Variants in ANO5 observed in about 807,000 individuals in gnomAD.
The protein encoded by ANO5 is anoctamin 5, also known as anoctamin-5.
In ANO5, 109 loss-of-function variants were observed where a neutral mutation model predicts 121.0. That is an observed-to-expected ratio of 0.90 (90% CI 0.77 to 1.06). The LOEUF (loss-of-function observed/expected upper bound fraction) is 1.06. Ranked by LOEUF, ANO5 falls within the 50% of genes least tolerant of loss-of-function variation. The probability of loss-of-function intolerance (pLI) is 0.00; values close to 1 mark genes in which losing one functional copy is unlikely to be tolerated. For synonymous variants in ANO5, 406 were observed against 359.9 expected (o/e 1.13, Z -1.45); for missense variants, 1,064 against 1,078.5 (o/e 0.99, Z 0.19).
rs563721908 is a variant in ANO5, at chr11:22,216,747, A to T, written c.139-1499A>T. 2.2e-4 allele frequency among the ~76,000 whole-genome samples: 34 copies of T among 151,974 alleles called. 1 individual carries two copies. The South Asian group carries it at 5.8e-3, about 26-fold the overall frequency. ...CATCCATTCTTTTTATGTTCTATTT[A>T]AGAAATATTTGCCTACACCAAAGTA... On this transcript the variant is annotated intron_variant, in intron 3 of 21. Transcript: ENST00000324559.
intron 9 of ANO5, among the ~76,000 whole-genome samples, chr11:22,244,569 G>T (rs1397128625): frequency 7.0e-6 from 1 of 143,506 alleles, no homozygotes; most frequent in Non-Finnish European, 1.5e-5. Context: ...TTTCTTGGAG[G>T]TTTTGTTCTT....
At chr11:22,211,542 T>C (rs889623027) in intron 3 of ANO5, among the ~76,000 whole-genome samples, 5 of 151,926 alleles carry the variant, frequency 3.3e-5, no homozygotes, top group African/African-American at 1.2e-4. Flanking sequence ...TTTGCTTGGA[T>C]TTTATTTTTT....
intron 5 of ANO5, among the ~76,000 whole-genome samples, chr11:22,221,531 G>C (rs1852651556): frequency 6.6e-6 from 1 of 151,874 alleles, no homozygotes; most frequent in African/African-American, 2.4e-5. Context: ...CCTTTTGTAT[G>C]ATATTTTCAT....
At chr11:22,221,253 C>A in intron 5 of ANO5, 43 bp downstream of exon 5, 1 of 1,466,538 alleles carries the variant, frequency 6.8e-7, no homozygotes, top group Non-Finnish European at 9.5e-7. Context: ...AAAAGAAGCA[C>A]ATTTTATAAT....
rs563648371 is a variant in ANO5 at position 22,254,093 on chromosome 11, CA to C, written c.1181-1275del. Among the ~76,000 whole-genome samples the C allele has an allele frequency of 4.6e-5, 7 of 151,668 alleles. No individual in the cohort carries two copies. The East Asian group carries it at 1.2e-3, about 25-fold the overall frequency. ...ATTTCTTTAAAGTTTAAATAATGAG[CA>C]AAGGAAAACATAAGCCAATGTATAC... is the stretch of plus-strand genomic sequence containing the variant. On this transcript the variant is annotated intron_variant, in intron 12 of 21. Transcript: ENST00000324559.
chr11:22,203,659 C>T (rs780255528), intron 1 of ANO5, 145 bp from the exon 2 acceptor site: 30 of 562,392 alleles, frequency 5.3e-5, no homozygotes, highest in Non-Finnish European at 8.6e-5. Context: ...AATTTAGCTC[C>T]GAATCATCTT....
rs142895924 is a variant in ANO5 at position 22,203,140 on chromosome 11, A to G, written c.41-664A>G. Among the ~76,000 whole-genome samples the G allele has an allele frequency of 2.4e-3, 358 of 152,198 alleles. 1 individual carries two copies. Among genetic ancestry groups the G allele is most frequent in the African/African-American group, 8.3e-3 (343 of 41,554 alleles). ...CTTGAACTTAAAGTGCTAACATTTTATGTGGTTCCCATTGTGATATTTTCT... is the reference window on the plus strand; with the variant it reads ...CTTGAACTTAAAGTGCTAACATTTTGTGTGGTTCCCATTGTGATATTTTCT... On this transcript the variant is annotated intron_variant, in intron 1 of 21. Transcript: ENST00000324559.
intron 7 of ANO5, among the ~76,000 whole-genome samples, chr11:22,229,056 AT>A (rs1214522887): frequency 6.6e-6 from 1 of 151,712 alleles, no homozygotes; most frequent in East Asian, 1.9e-4. Context: ...GACCGTCCAT[AT>A]TGTCTTTCAT....
At chr11:22,266,294 G>A (rs1021874313) in intron 17 of ANO5, among the ~76,000 whole-genome samples, 11 of 152,130 alleles carry the variant, frequency 7.2e-5, no homozygotes, top group Non-Finnish European at 1.2e-4. Context: ...TGTGACTCCA[G>A]TTAGAGTATG....
At chr11:22,254,108 G>A (rs566986211) in intron 12 of ANO5, among the ~76,000 whole-genome samples, 1 of 151,934 alleles carries the variant, frequency 6.6e-6, no homozygotes. Context: ...GAAAACATAA[G>A]CCAATGTATA....
At chr11:22,223,698 C>A (rs1852732725) in intron 5 of ANO5, among the ~76,000 whole-genome samples, 2 of 152,002 alleles carry the variant, frequency 1.3e-5, no homozygotes, top group Admixed American at 1.3e-4. Context: ...TAACTCTTTT[C>A]TGTATACCTA....
intron 7 of ANO5, 37 bp downstream of exon 7, chr11:22,227,623 T>C (rs777477215): frequency 1.9e-6 from 3 of 1,602,208 alleles, no homozygotes; most frequent in Non-Finnish European, 1.7e-6. Context: ...TCCCTTCAAA[T>C]ACGAGATGTA....
chr11:22,213,921 G>GTTTTGTTTTGTTTT (rs1554921290), intron 3 of ANO5, among the ~76,000 whole-genome samples: 1 of 151,294 alleles, frequency 6.6e-6, no homozygotes, highest in Non-Finnish European at 1.5e-5. Context: ...GTTTTGTTTT[G>GTTTTGTTTTGTTTT]GGACAGCATC....
intron 21 of ANO5, among the ~76,000 whole-genome samples, chr11:22,276,805 G>T (rs1854869588): frequency 6.6e-6 from 1 of 151,460 alleles, no homozygotes; most frequent in Admixed American, 6.6e-5. Context: ...ACAAATCATA[G>T]GGCAAGAAGG....
At chr11:22,196,595 G>T (rs1224903101) in intron 1 of ANO5, among the ~76,000 whole-genome samples, 2 of 151,956 alleles carry the variant, frequency 1.3e-5, no homozygotes, top group Non-Finnish European at 2.9e-5. Context: ...TGTTGGCTGG[G>T]TGTGTTGGCT....
chr11:22,273,845 T>A (rs913773146), intron 19 of ANO5, among the ~76,000 whole-genome samples: 2 of 152,094 alleles, frequency 1.3e-5, no homozygotes, highest in African/African-American at 4.8e-5. Flanking sequence ...ATATTTGAAA[T>A]GACCACTTTT....
rs531531220 is a variant in ANO5, at chr11:22,242,141, C to T, written c.878+2457C>T. Among the ~76,000 whole-genome samples, 30 of 152,128 alleles carry T rather than the reference C, an allele frequency of 2.0e-4. 1 individual carries two copies. In the South Asian group the frequency reaches 5.8e-3, roughly 29 times the overall value. ...TTATCCCAGCACCATTTATTGAATA[C>T]GGAATCCGTTCCCCATTGCTTGTTT... On this transcript the variant is annotated intron_variant, in intron 9 of 21. Coordinates refer to ENST00000324559, the MANE Select transcript of ANO5 (RefSeq NM_213599.3).
chr11:22,278,387 G>C (rs919496075), intron 21 of ANO5, among the ~76,000 whole-genome samples: 20 of 151,508 alleles, frequency 1.3e-4, no homozygotes, highest in Admixed American at 5.3e-4. Context: ...TCTTTGTGCT[G>C]TCTCTCTGGA....
intron 13 of ANO5, among the ~76,000 whole-genome samples, chr11:22,256,267 T>C (rs1198058920): frequency 6.6e-6 from 1 of 152,306 alleles, no homozygotes; most frequent in East Asian, 1.9e-4. Context: ...ATCACTGTGT[T>C]TCCTGCTGCT....
Sources: gnomAD v4.1 joint callset for allele counts (sites outside exome capture counted in the v4.1 genomes callset) on GRCh38, gnomAD v4.1.1 for gene constraint, MANE v1.5 for transcripts, NCBI Gene and HGNC (gene_info 2026-07-23, HGNC 2026-07-21) for gene names.